The following NCAPG variants were observed in gnomAD, a reference collection of about 807,000 sequenced individuals.
NCAPG encodes the protein condensin complex subunit 3.
In NCAPG, 69 loss-of-function variants were observed where a neutral mutation model predicts 113.1. The ratio of observed to expected loss-of-function variants is 0.61; its 90% CI spans 0.50 to 0.75. NCAPG has a LOEUF of 0.75. Among genes scored for constraint, NCAPG ranks in the 30% least tolerant of loss-of-function variants. The pLI, the probability that NCAPG is intolerant of heterozygous loss-of-function variation, is 0.00. For missense variants in NCAPG, 1,058 were observed against 1,177.0 expected (o/e 0.90, Z 1.48); for synonymous variants, 370 against 415.8 (o/e 0.89, Z 1.34).
Position 17,813,137 on chromosome 4 carries a change from T to G in NCAPG, c.536T>G (p.Val179Gly). 1.2e-6 allele frequency: 2 copies of G among 1,611,444 alleles called. No individual in the cohort carries two copies. The highest frequency in any genetic ancestry group is 3.3e-5 in the Admixed American group (2 of 59,756). The change falls in exon 3 of 21, where the codon GTG becomes GGG. Residue 179 changes from valine to glycine, a missense_variant. Coordinates refer to ENST00000251496, the MANE Select transcript of NCAPG (RefSeq NM_022346.5). ...GATCCCAAGGATGATGAATGCCCAG[T>G]GGTTAATGGTGTGTGTAGTTTCCTA... ...LQDPKDDECPVVNAYATLIEN... is the reference protein window; with the variant it reads ...LQDPKDDECPGVNAYATLIEN...
At chr4:17,816,898 G>T (rs1387518725) in intron 5 of NCAPG, among the ~76,000 whole-genome samples, 1 of 152,108 alleles carries the variant, frequency 6.6e-6, no homozygotes, top group Non-Finnish European at 1.5e-5. Flanking sequence ...ACTTTTGGAG[G>T]CCGAGGCAGG....
In NCAPG at chr4:17,811,010, C is replaced by T; in HGVS notation, c.-68C>T. On this transcript the variant is annotated 5_prime_UTR_variant, in exon 1 of 21. Coordinates refer to ENST00000251496, the MANE Select transcript of NCAPG (RefSeq NM_022346.5). The surrounding 1 kb of genome is among the most constrained non-coding windows in gnomAD (Gnocchi z 5.3). ...GAAGACTACTCGGAGAGCGCTGCCT[C>T]TGGGTTGGCGGGCTGGCAGGCTGTA... is the stretch of plus-strand genomic sequence containing the variant. 1 of 964,346 alleles carries T rather than the reference C, an allele frequency of 1.0e-6. No individual in the cohort carries two copies. Among genetic ancestry groups the T allele is most frequent in the Middle Eastern group, 2.4e-4 (1 of 4,104 alleles). 59.7% of individuals were successfully genotyped at this position (964,346 alleles called of 1,614,324 possible).
At chr4:17,822,244 A>T (rs1721488186) in intron 7 of NCAPG, among the ~76,000 whole-genome samples, 1 of 140,478 alleles carries the variant, frequency 7.1e-6, no homozygotes, top group African/African-American at 2.7e-5. Context: ...CCCAGGCTAG[A>T]GTGCAGTGGT....
intron 14 of NCAPG, 65 bp from the exon 15 acceptor site, chr4:17,837,094 C>A: frequency 7.1e-7 from 1 of 1,413,764 alleles, no homozygotes; most frequent in Non-Finnish European, 9.8e-7. Flanking sequence ...GTAGGACAGG[C>A]TACATTGAGA....
chr4:17,839,688 C>T lies in NCAPG; in HGVS notation c.2479C>T (p.His827Tyr). The T allele has an allele frequency of 5.8e-6, 9 of 1,555,974 alleles. No homozygotes were observed. Among genetic ancestry groups the T allele is most frequent in the Non-Finnish European group, 7.7e-6 (9 of 1,161,756 alleles). ...TSQDYQALTV[H>Y]DNLAMKICNE... The stretch of plus-strand genomic sequence containing the variant: ...CTTAATTTTTTAGGCCTTAACAGTA[C>T]ATGACAATTTGGCTATGAAAATTTG... Residue 827 changes from histidine to tyrosine, a missense_variant, in exon 17 of 21, where the codon CAT becomes TAT. His to Tyr is a moderately conservative substitution (Grantham distance 83). Transcript: ENST00000251496.
At chr4:17,830,070 A>G (rs1721800171) in intron 12 of NCAPG, among the ~76,000 whole-genome samples, 1 of 152,156 alleles carries the variant, frequency 6.6e-6, no homozygotes, top group Admixed American at 6.6e-5. Context: ...TTTAAAAACT[A>G]GACCAAAATG....
chr4:17,827,237 G>T (rs554472981), intron 11 of NCAPG, among the ~76,000 whole-genome samples: 3 of 152,232 alleles, frequency 2.0e-5, no homozygotes, highest in Non-Finnish European at 4.4e-5. Flanking sequence ...TAAGGGCTAG[G>T]TCATGTAAGG....
chr4:17,838,316 T>G (rs1045303318), intron 16 of NCAPG, among the ~76,000 whole-genome samples: 6 of 152,220 alleles, frequency 3.9e-5, no homozygotes, highest in Admixed American at 6.6e-5. Context: ...GTATTAGTGA[T>G]TTCAGATGCT....
chr4:17,826,531 T>G (rs1721664842), intron 11 of NCAPG, among the ~76,000 whole-genome samples: 1 of 152,186 alleles, frequency 6.6e-6, no homozygotes, highest in South Asian at 2.1e-4. Context: ...GAAAGCAAAT[T>G]TAAAGCAAAA....
chr4:17,842,161 T>C, intron 19 of NCAPG, 149 bp from the exon 20 acceptor site: 1 of 594,648 alleles, frequency 1.7e-6, no homozygotes, highest in Admixed American at 3.1e-5. Flanking sequence ...CAGTGATAAC[T>C]GGTACCAAGA....
rs1275638497 is a variant in NCAPG, at chr4:17,842,301, A to G, written c.2855-9A>G. ...ATAAATCCTGATAATGAATTATACT[A>G]TCTTCAAGGACAGAGAAAAGTGACA... is the stretch of plus-strand genomic sequence containing the variant. On this transcript the variant is annotated splice_polypyrimidine_tract_variant and intron_variant, in intron 19 of 20. Coordinates refer to ENST00000251496, the MANE Select transcript of NCAPG (RefSeq NM_022346.5). 1 of 1,610,408 alleles carries G rather than the reference A, an allele frequency of 6.2e-7. No individual in the cohort carries two copies. The highest frequency in any genetic ancestry group is 2.2e-5 in the East Asian group (1 of 44,776).
chr4:17,817,275 G>A lies in NCAPG; in HGVS notation c.790G>A (p.Ala264Thr). The A allele has an allele frequency of 4.3e-6, 7 of 1,613,234 alleles. No individual in the cohort carries two copies. Among genetic ancestry groups the A allele is most frequent in the Non-Finnish European group, 5.9e-6 (7 of 1,179,620 alleles). ...TGACTCAATAGATGCTGTGAAACAA[G>A]CTATGCAGAAGCATCTTCTTCAAGG... ...LNDRSDAVKQAMQKHLLQGWL... is the reference protein window; with the variant it reads ...LNDRSDAVKQTMQKHLLQGWL... Residue 264 changes from alanine to threonine, a missense_variant, in exon 6 of 21, where the codon GCT becomes ACT. By Grantham distance (58) the Ala-to-Thr change is moderately conservative. Transcript: ENST00000251496.
chr4:17,834,445 G>A lies in NCAPG; in HGVS notation c.2031G>A (p.Glu677=). ...CEGTEINSDD[E]QESKEVEETA... is the part of the protein sequence containing the mutation. The stretch of plus-strand genomic sequence containing the variant: ...GTACAGAAATAAACAGTGATGATGA[G>A]CAAGAATCAAAAGAAGTTGAAGAGA... Residue 677 remains glutamate (E), a synonymous_variant, in exon 14 of 21, where the codon GAG becomes GAA. Coordinates refer to ENST00000251496, the MANE Select transcript of NCAPG (RefSeq NM_022346.5). 1 of 1,611,180 alleles carries A rather than the reference G, an allele frequency of 6.2e-7. No homozygotes were observed. Among genetic ancestry groups the A allele is most frequent in the Non-Finnish European group, 8.5e-7 (1 of 1,178,536 alleles).
At chr4:17,823,469 G>T (rs904309874) in intron 8 of NCAPG, among the ~76,000 whole-genome samples, 178 bp from the exon 9 acceptor site, 3 of 151,564 alleles carry the variant, frequency 2.0e-5, no homozygotes, top group East Asian at 1.9e-4. Context: ...ATTTTTTTTT[G>T]TGTGGAATAA....
intron 11 of NCAPG, among the ~76,000 whole-genome samples, chr4:17,827,460 G>A (rs894616869): frequency 1.3e-5 from 2 of 152,184 alleles, no homozygotes; most frequent in African/African-American, 4.8e-5. Context: ...GATAATGACA[G>A]TGGATTTGGA....
At chr4:17,817,119 A>G (rs1049987626) in intron 5 of NCAPG, 142 bp from the exon 6 acceptor site, 2 of 596,158 alleles carry the variant, frequency 3.4e-6, no homozygotes, top group Admixed American at 3.3e-5. Context: ...CTCAAAAAAT[A>G]TATATATACA....
chr4:17,837,410 TATA>T, intron 15 of NCAPG, 70 bp downstream of exon 15: 1 of 1,383,784 alleles, frequency 7.2e-7, no homozygotes, highest in East Asian at 2.3e-5. Flanking sequence ...GAATTATATC[TATA>T]ATGATATTTT....
At chr4:17,830,969 C>A in intron 12 of NCAPG, 28 bp from the exon 13 acceptor site, 1 of 1,599,176 alleles carries the variant, frequency 6.3e-7, no homozygotes, top group African/African-American at 1.3e-5. Context: ...TCTATGAAAT[C>A]ATATGGAAAA....
At chr4:17,822,597 T>C (rs564423361) in intron 7 of NCAPG, among the ~76,000 whole-genome samples, 9 of 152,288 alleles carry the variant, frequency 5.9e-5, no homozygotes, top group African/African-American at 2.2e-4. Flanking sequence ...ATGAGTTTAA[T>C]TCTCAGATAA....
Sources: allele counts gnomAD v4.1 joint callset (sites outside exome capture counted in the v4.1 genomes callset), GRCh38; gene constraint gnomAD v4.1.1; non-coding constraint Gnocchi (gnomAD v3.1); transcripts MANE v1.5; gene names NCBI Gene and HGNC (gene_info 2026-07-23, HGNC 2026-07-21).